The following CRPPA variants were observed in gnomAD, a reference collection of about 807,000 sequenced individuals.
The protein encoded by CRPPA is D-ribitol-5-phosphate cytidylyltransferase.
A neutral mutation model predicts 52.0 loss-of-function variants in CRPPA; 43 were observed. That is an observed-to-expected ratio of 0.83 (90% CI 0.65 to 1.07). CRPPA has a LOEUF of 1.07. CRPPA is among the 50% of genes least tolerant of loss of function. CRPPA has a pLI of 0.00. For missense variants in CRPPA, 629 were observed against 551.7 expected, an observed-to-expected ratio of 1.14 and a Z score of -1.40; for synonymous variants, 250 against 203.5, an observed-to-expected ratio of 1.23 and a Z score of -1.94.
chr7:16,112,374 T>G (rs181597703), intron 9 of CRPPA, among the ~76,000 whole-genome samples: 1 of 152,018 alleles, frequency 6.6e-6, no homozygotes, highest in Admixed American at 6.6e-5. Context: ...CAAAATACCA[T>G]TAGTTGAACT....
At chr7:16,337,992 T>G (rs1225943006) in intron 3 of CRPPA, among the ~76,000 whole-genome samples, 2 of 151,980 alleles carry the variant, frequency 1.3e-5, no homozygotes, top group African/African-American at 4.8e-5. Context: ...TCAAACTCAT[T>G]TTACAAAGCT....
chr7:16,314,604 G>A (rs13438722), intron 3 of CRPPA, among the ~76,000 whole-genome samples: 4 of 151,964 alleles, frequency 2.6e-5, no homozygotes, highest in African/African-American at 9.7e-5. Context: ...AGGTCTACTG[G>A]CAAAAAATTT....
intron 8 of CRPPA, among the ~76,000 whole-genome samples, chr7:16,241,660 T>G (rs936833458): frequency 6.6e-6 from 1 of 152,198 alleles, no homozygotes; most frequent in African/African-American, 2.4e-5. Context: ...AACAAAATAT[T>G]GCCCACTATT....
intron 9 of CRPPA, among the ~76,000 whole-genome samples, chr7:16,143,177 A>C (rs981260488): frequency 1.3e-5 from 2 of 152,224 alleles, no homozygotes; most frequent in Admixed American, 6.5e-5. Context: ...TCTTAGAAAT[A>C]AAACAAAAAC....
chr7:16,382,341 G>C (rs542695870), intron 2 of CRPPA, among the ~76,000 whole-genome samples: 176 of 152,348 alleles, frequency 1.2e-3, no homozygotes, highest in Admixed American at 6.2e-3. Flanking sequence ...CTGGCTTGTA[G>C]AGTTTCTGCT....
intron 3 of CRPPA, among the ~76,000 whole-genome samples, chr7:16,321,033 C>G: frequency 6.6e-6 from 1 of 152,052 alleles, no homozygotes; most frequent in African/African-American, 2.4e-5. Context: ...TTTCAAATGC[C>G]TATCAGTGGG....
At chr7:16,297,883 A>G (rs542479930) in intron 5 of CRPPA, among the ~76,000 whole-genome samples, 1 of 152,110 alleles carries the variant, frequency 6.6e-6, no homozygotes. Flanking sequence ...CCATCATCAC[A>G]TGAGCCAATC....
At chr7:16,169,329 C>G (rs555202816) in intron 9 of CRPPA, among the ~76,000 whole-genome samples, 75 of 152,128 alleles carry the variant, frequency 4.9e-4, no homozygotes, top group Middle Eastern at 6.8e-3. Context: ...AAAATTGTTC[C>G]ACTTGAAGAA....
intron 9 of CRPPA, among the ~76,000 whole-genome samples, chr7:16,149,804 G>A (rs1290305479): frequency 6.6e-6 from 1 of 152,018 alleles, no homozygotes; most frequent in African/African-American, 2.4e-5. Context: ...TGGGCAACAC[G>A]GTGAAACCCC....
intron 1 of CRPPA, among the ~76,000 whole-genome samples, chr7:16,410,500 G>A (rs17169472): frequency 0.03 from 4,576 of 152,140 alleles, 228 homozygotes; most frequent in African/African-American, 0.1. Flanking sequence ...TGACCCAAAC[G>A]GTCATCTCTA....
chr7:16,286,045 ATATATATATATATAT>A (rs1562608444), intron 5 of CRPPA, among the ~76,000 whole-genome samples: 162 of 7,634 alleles, frequency 0.021, 12 homozygotes, highest in African/African-American at 0.08. Flanking sequence ...AAAAATATAA[ATATATATATATATAT>A]ATATATATAT....
chr7:16,308,557 GC>G lies in CRPPA; in HGVS notation c.754del (p.Ala252ProfsTer4). On this transcript the variant is annotated frameshift_variant, in exon 4 of 10. Transcript: ENST00000407010. LOFTEE classifies it high-confidence loss of function. ...QLALKYCCTK[A>X]KLVEGSPDLW... ...GTCAGGTGATCCTTCTACAAGTTTGGCTTTAGTGCAACAGTATTTTAGGGCC... is the reference window on the plus strand; with the variant it reads ...GTCAGGTGATCCTTCTACAAGTTTGGTTTAGTGCAACAGTATTTTAGGGCC... The G allele has an allele frequency of 6.2e-7, 1 of 1,609,994 alleles. No individual in the cohort carries two copies. Among genetic ancestry groups the G allele is most frequent in the Non-Finnish European group, 8.5e-7 (1 of 1,177,582 alleles).
At chr7:16,129,645 T>G (rs1471516764) in intron 9 of CRPPA, among the ~76,000 whole-genome samples, 2 of 152,122 alleles carry the variant, frequency 1.3e-5, no homozygotes, top group African/African-American at 4.8e-5. Context: ...GAGGAGCTGC[T>G]CAGTACATAT....
chr7:16,192,153 A>G (rs1050750102), intron 9 of CRPPA, among the ~76,000 whole-genome samples: 2 of 152,088 alleles, frequency 1.3e-5, no homozygotes, highest in African/African-American at 4.8e-5. Flanking sequence ...TTAAATTTAT[A>G]CTTGTAACTT....
chr7:16,180,935 T>C (rs1048299288), intron 9 of CRPPA, among the ~76,000 whole-genome samples: 2 of 152,010 alleles, frequency 1.3e-5, no homozygotes, highest in African/African-American at 4.8e-5. Flanking sequence ...TGTGCTTTTA[T>C]ATAAAAAGGA....
At chr7:16,111,788 G>A (rs968201658) in intron 9 of CRPPA, among the ~76,000 whole-genome samples, 1 of 151,946 alleles carries the variant, frequency 6.6e-6, no homozygotes, top group Admixed American at 6.6e-5. Flanking sequence ...ACAAACACAA[G>A]GTATAGAAAT....
chr7:16,231,133 C>G (rs1333193967), intron 8 of CRPPA, among the ~76,000 whole-genome samples: 1 of 152,144 alleles, frequency 6.6e-6, no homozygotes, highest in Non-Finnish European at 1.5e-5. Flanking sequence ...TCACTTCCTT[C>G]TTTTTCCCTA....
At chr7:16,253,587 T>C (rs1177834845) in intron 8 of CRPPA, among the ~76,000 whole-genome samples, 1 of 152,174 alleles carries the variant, frequency 6.6e-6, no homozygotes, top group East Asian at 1.9e-4. Context: ...TTCTGTTGAT[T>C]TGGGGTGGAG....
At chr7:16,359,663 C>G (rs1786391817) in intron 3 of CRPPA, among the ~76,000 whole-genome samples, 1 of 152,134 alleles carries the variant, frequency 6.6e-6, no homozygotes, top group East Asian at 1.9e-4. Context: ...GAGGGAGCCT[C>G]CCTTGCCAAA....
Sources: allele counts gnomAD v4.1 joint callset (sites outside exome capture counted in the v4.1 genomes callset), GRCh38; gene constraint gnomAD v4.1.1; transcripts MANE v1.5; gene names NCBI Gene and HGNC (gene_info 2026-07-23, HGNC 2026-07-21).